TP53BP1: variants seen among roughly 807,000 people sequenced by gnomAD.
The protein encoded by TP53BP1 is TP53-binding protein 1.
TP53BP1 carries 61 observed loss-of-function variants against 200.8 expected under a neutral mutation model. That is an observed-to-expected ratio of 0.30 (90% CI 0.25 to 0.38). The LOEUF is 0.38. TP53BP1 is among the 10% of genes least tolerant of loss of function. The probability of loss-of-function intolerance (pLI) is 1.00; values close to 1 mark genes in which losing one functional copy is unlikely to be tolerated. For missense variants in TP53BP1, 2,144 were observed against 2,371.9 expected (o/e 0.90, Z 2.00); for synonymous variants, 822 against 844.3 (o/e 0.97, Z 0.46).
chr15:43,497,531 A>T, upstream of TP53BP1: 1 of 787,272 alleles, frequency 1.3e-6, no homozygotes, highest in African/African-American at 1.9e-5. Flanking sequence ...ACTTCCTGGA[A>T]GCCAGTACTA....
At chr15:43,467,126 T>C (rs1210627816) in intron 11 of TP53BP1, among the ~76,000 whole-genome samples, 1 of 151,876 alleles carries the variant, frequency 6.6e-6, no homozygotes, top group Non-Finnish European at 1.5e-5. Flanking sequence ...TGATCATGGC[T>C]CACTGCAGCC....
At chr15:43,472,058 T>C (rs1019841052) in intron 10 of TP53BP1, among the ~76,000 whole-genome samples, 6 of 152,242 alleles carry the variant, frequency 3.9e-5, no homozygotes, top group African/African-American at 1.4e-4. Context: ...TGTTTTATGT[T>C]ACTCAAGAGC....
At position 43,405,507 on chromosome 15, in the gene TP53BP1, A is replaced by G. The variant is rs957186156; in HGVS notation, c.*1876T>C. The G allele has an allele frequency of 6.2e-6, 3 of 481,970 alleles. No individual in the cohort carries two copies. The highest frequency in any genetic ancestry group is 5.8e-5 in the African/African-American group (3 of 51,426). The allele number at this position is 481,970 out of a possible 1,614,324, so 29.9% of individuals were successfully genotyped here. On this transcript the variant is annotated 3_prime_UTR_variant, in exon 28 of 28. Coordinates refer to ENST00000382044, the MANE Select transcript of TP53BP1 (RefSeq NM_001141980.3). ...AATAGTCATTTATTGAGCACCTACTACGTACCTTGGTACTGTTCAAGCTGT... is the reference window on the plus strand; with the variant it reads ...AATAGTCATTTATTGAGCACCTACTGCGTACCTTGGTACTGTTCAAGCTGT...
chr15:43,500,186 CA>C (rs2079202400), intron 1 of TP53BP1, among the ~76,000 whole-genome samples: 2 of 152,174 alleles, frequency 1.3e-5, no homozygotes, highest in Non-Finnish European at 2.9e-5. Flanking sequence ...TCAAATTCAA[CA>C]TGCTTAAAAT....
chr15:43,474,408 G>C (rs1413985988), intron 10 of TP53BP1, among the ~76,000 whole-genome samples: 2 of 150,648 alleles, frequency 1.3e-5, no homozygotes, highest in Non-Finnish European at 2.9e-5. Flanking sequence ...GAGCGAGCGA[G>C]GGCTGTGAGG....
chr15:43,423,059 T>A (rs150271195), intron 18 of TP53BP1, among the ~76,000 whole-genome samples: 31 of 149,338 alleles, frequency 2.1e-4, no homozygotes, highest in African/African-American at 7.7e-4. Flanking sequence ...GACAAAAAGG[T>A]TATAAGTATC....
upstream of TP53BP1, among the ~76,000 whole-genome samples, chr15:43,495,534 A>ACACACACACACACAC: frequency 9.7e-6 from 1 of 102,880 alleles, no homozygotes; most frequent in African/African-American, 4.0e-5. Flanking sequence ...CACACACACA[A>ACACACACACACACAC]AAGCCAGGTG....
chr15:43,416,042 T>C (rs2045259490), intron 22 of TP53BP1, among the ~76,000 whole-genome samples, 183 bp downstream of exon 22: 2 of 152,164 alleles, frequency 1.3e-5, no homozygotes, highest in African/African-American at 4.8e-5. Flanking sequence ...GACTTTCTGT[T>C]TGGTACTAAG....
At chr15:43,480,508 G>A (rs2078948939) in intron 5 of TP53BP1, among the ~76,000 whole-genome samples, 1 of 152,058 alleles carries the variant, frequency 6.6e-6, no homozygotes, top group Non-Finnish European at 1.5e-5. Flanking sequence ...GGGAAAATGT[G>A]TAATAAAGTA....
Position 43,413,264 on chromosome 15 carries a change from C to T in TP53BP1, c.5160G>A (p.Leu1720=). 3 of 1,614,144 alleles carry T rather than the reference C, an allele frequency of 1.9e-6. No homozygotes were observed. Among genetic ancestry groups the T allele is most frequent in the Non-Finnish European group, 2.5e-6 (3 of 1,180,006 alleles). The change falls in exon 24 of 28, where the codon CTG becomes CTA. Residue 1720 remains leucine, a synonymous_variant. Transcript: ENST00000382044. ...GAGGCAAAGGCCCTCTCTGCTCTTC[C>T]AGGGCAGAGGGTTCACCGGTGTTGT... ...SGDNTGEPSA[L]EEQRGPLPLN... is the part of the protein sequence containing the mutation.
At chr15:43,410,187 T>C (rs1396991130) in intron 24 of TP53BP1, among the ~76,000 whole-genome samples, 1 of 152,242 alleles carries the variant, frequency 6.6e-6, no homozygotes, top group East Asian at 1.9e-4. Flanking sequence ...GAACACTTTA[T>C]AAGTTATATA....
chr15:43,486,684 T>G (rs1389975662), intron 4 of TP53BP1, among the ~76,000 whole-genome samples: 6 of 152,074 alleles, frequency 3.9e-5, no homozygotes, highest in Admixed American at 3.9e-4. Flanking sequence ...AGTGCAGCGG[T>G]GCAATCACGG....
chr15:43,477,473 C>T lies in TP53BP1; in HGVS notation c.955+120G>A, dbSNP rs941484308. On this transcript the variant is annotated intron_variant, in intron 8 of 27. Coordinates refer to ENST00000382044, the MANE Select transcript of TP53BP1 (RefSeq NM_001141980.3). ...AATTACTAGAAACACGTTTTCCTTC[C>T]ATATCACAAACAAGTCTGCAAACCT... 2.8e-5 allele frequency: 26 copies of T among 929,204 alleles called. No homozygotes were observed. In the East Asian group the frequency reaches 6.9e-4, roughly 25 times the overall value. The allele number at this position is 929,204 out of a possible 1,614,324, so 57.6% of individuals were successfully genotyped here.
At chr15:43,412,358 T>C (rs2045140471) in intron 24 of TP53BP1, among the ~76,000 whole-genome samples, 1 of 152,218 alleles carries the variant, frequency 6.6e-6, no homozygotes, top group Non-Finnish European at 1.5e-5. Context: ...CTCTAACTTG[T>C]ACAACATCAT....
At chr15:43,476,985 T>A (rs940027020) in intron 8 of TP53BP1, among the ~76,000 whole-genome samples, 2 of 152,184 alleles carry the variant, frequency 1.3e-5, no homozygotes, top group Non-Finnish European at 2.9e-5. Flanking sequence ...TATTGAAGAT[T>A]TGAAGACATA....
chr15:43,459,140 T>A (rs1196183379), intron 11 of TP53BP1, among the ~76,000 whole-genome samples: 1 of 151,890 alleles, frequency 6.6e-6, no homozygotes, highest in Non-Finnish European at 1.5e-5. Flanking sequence ...GAGTTCGAGG[T>A]CAGCCTGGCC....
chr15:43,459,988 T>C (rs962533193), intron 11 of TP53BP1, among the ~76,000 whole-genome samples: 3 of 152,178 alleles, frequency 2.0e-5, no homozygotes, highest in Non-Finnish European at 4.4e-5. Flanking sequence ...CACAAAAGGT[T>C]ATAAGGAAAC....
intron 1 of TP53BP1, 58 bp from the exon 2 acceptor site, chr15:43,492,526 TC>T: frequency 6.9e-7 from 1 of 1,440,528 alleles, no homozygotes; most frequent in East Asian, 2.3e-5. Flanking sequence ...GCTCACGCAG[TC>T]TAAACCTAAA....
chr15:43,461,795 A>G (rs1296380356), intron 11 of TP53BP1, among the ~76,000 whole-genome samples: 1 of 151,528 alleles, frequency 6.6e-6, no homozygotes, highest in Non-Finnish European at 1.5e-5. Flanking sequence ...CAGCCTCCAG[A>G]GTAACTGGGA....
Sources: gnomAD v4.1 joint callset for allele counts (sites outside exome capture counted in the v4.1 genomes callset) on GRCh38, gnomAD v4.1.1 for gene constraint, MANE v1.5 for transcripts, NCBI Gene and HGNC (gene_info 2026-07-23, HGNC 2026-07-21) for gene names.